AKAIN1: variants seen among roughly 807,000 people sequenced by gnomAD.
The protein encoded by AKAIN1 is A-kinase anchor inhibitor 1.
AKAIN1 carries 3 observed loss-of-function variants against 3.7 expected under a neutral mutation model. The ratio of observed to expected loss-of-function variants is 0.82; its 90% CI spans 0.37 to 2.12. The LOEUF is 2.12. Among genes scored for constraint, AKAIN1 ranks in the 30% most tolerant of loss-of-function variants. The pLI is 0.06. For missense variants in AKAIN1, 82 were observed against 82.7 expected (o/e 0.99, Z 0.03); for synonymous variants, 31 against 30.8 (o/e 1.01, Z -0.02).
chr18:5,157,236 G>A (rs1717674830), intron 1 of AKAIN1, among the ~76,000 whole-genome samples: 1 of 152,162 alleles, frequency 6.6e-6, no homozygotes, highest in Admixed American at 6.5e-5. Flanking sequence ...ACACCTTCCT[G>A]CTGCAGCTTC....
intron 1 of AKAIN1, among the ~76,000 whole-genome samples, chr18:5,181,066 T>C (rs1201305511): frequency 1.3e-5 from 2 of 151,576 alleles, no homozygotes. Context: ...GATGGAAGGA[T>C]CCCTTGAGCC....
intron 1 of AKAIN1, among the ~76,000 whole-genome samples, chr18:5,188,704 T>C (rs1372802768): frequency 6.6e-6 from 1 of 152,056 alleles, no homozygotes; most frequent in Admixed American, 6.6e-5. Context: ...AATTCTACCA[T>C]AAATGTCACA....
intron 1 of AKAIN1, among the ~76,000 whole-genome samples, chr18:5,179,352 T>G (rs553861790): frequency 1.3e-4 from 20 of 152,166 alleles, no homozygotes; most frequent in African/African-American, 4.8e-4. Flanking sequence ...CTAGTTCCAG[T>G]CATGTTGCCA....
At chr18:5,179,588 G>A (rs1241461371) in intron 1 of AKAIN1, among the ~76,000 whole-genome samples, 1 of 152,106 alleles carries the variant, frequency 6.6e-6, no homozygotes. Context: ...CCTTTAGGTA[G>A]ATACCCAGTA....
intron 1 of AKAIN1, among the ~76,000 whole-genome samples, chr18:5,176,622 T>A (rs1404579909): frequency 6.6e-6 from 1 of 152,184 alleles, no homozygotes; most frequent in Non-Finnish European, 1.5e-5. Flanking sequence ...CAATGTTTGG[T>A]GTTTTTCTGT....
chr18:5,158,339 A>C (rs1303719701), intron 1 of AKAIN1, among the ~76,000 whole-genome samples: 1 of 152,074 alleles, frequency 6.6e-6, no homozygotes. Flanking sequence ...CTGAGGAGAC[A>C]CTCCTTTGGT....
chr18:5,150,578 A>G (rs949253144), intron 1 of AKAIN1, among the ~76,000 whole-genome samples: 12 of 152,200 alleles, frequency 7.9e-5, no homozygotes, highest in Admixed American at 4.6e-4. Flanking sequence ...TCCACCTCGG[A>G]TTTTTACTTG....
rs1395063 is a variant in AKAIN1, at chr18:5,145,610, G to T, written c.162C>A (p.His54Gln). 259,216 of 1,551,200 alleles carry T rather than the reference G, an allele frequency of 0.17. 24,068 individuals carry two copies. The highest frequency in any genetic ancestry group is 0.36 in the African/African-American group (26,350 of 73,034). The change falls in exon 2 of 2, where the codon CAC (histidine) becomes CAA (glutamine). Residue 54 changes from histidine (H) to glutamine (Q), a missense_variant. Transcript: ENST00000434239. ...REERISDNRD[H>Q]IQLGVGELTK... Reference sequence around the variant, plus strand: ...TTAACTCCCCAACGCCCAGTTGGATGTGGTCCCGGTTGTCACTGATTCTCT... The same window carrying T: ...TTAACTCCCCAACGCCCAGTTGGATTTGGTCCCGGTTGTCACTGATTCTCT...
chr18:5,149,445 C>T (rs1009400846), intron 1 of AKAIN1, among the ~76,000 whole-genome samples: 1 of 152,116 alleles, frequency 6.6e-6, no homozygotes, highest in Admixed American at 6.5e-5. Flanking sequence ...TGTCCAGGAA[C>T]CGTTCAGCTG....
intron 1 of AKAIN1, among the ~76,000 whole-genome samples, chr18:5,165,396 C>T (rs2071162299): frequency 6.6e-6 from 1 of 151,914 alleles, no homozygotes; most frequent in African/African-American, 2.4e-5. Flanking sequence ...GAAAGAACAG[C>T]AATGGCAACA....
At chr18:5,146,539 A>T (rs1221834023) in intron 1 of AKAIN1, among the ~76,000 whole-genome samples, 1 of 152,204 alleles carries the variant, frequency 6.6e-6, no homozygotes, top group Non-Finnish European at 1.5e-5. Context: ...TGATGACTGA[A>T]TCCATATCAA....
In AKAIN1 at chr18:5,183,650, C is replaced by G. The variant is rs2071271360; in HGVS notation, c.16+13388G>C. 2.0e-5 allele frequency among the ~76,000 whole-genome samples: 3 copies of G among 151,878 alleles called. No homozygotes were observed. In the South Asian group the frequency reaches 6.2e-4, roughly 32 times the overall value. ...AAAGTAAAAATGAAGGAAAATAATG[C>G]AAAGTTGATTCCTGTTATTCACAGT... On this transcript the variant is annotated intron_variant, in intron 1 of 1. Transcript: ENST00000434239.
At chr18:5,185,981 T>C (rs577695078) in intron 1 of AKAIN1, among the ~76,000 whole-genome samples, 1 of 152,262 alleles carries the variant, frequency 6.6e-6, no homozygotes, top group African/African-American at 2.4e-5. Context: ...ATATACACCA[T>C]GGAATACTAC....
At chr18:5,179,811 C>A (rs1172866058) in intron 1 of AKAIN1, among the ~76,000 whole-genome samples, 1 of 152,128 alleles carries the variant, frequency 6.6e-6, no homozygotes, top group Non-Finnish European at 1.5e-5. Context: ...TATGCTCCTT[C>A]CTCGAGGACA....
chr18:5,156,791 C>T (rs1006441678), intron 1 of AKAIN1, among the ~76,000 whole-genome samples: 3 of 152,172 alleles, frequency 2.0e-5, no homozygotes, highest in African/African-American at 7.2e-5. Flanking sequence ...GTCTTTCTTG[C>T]TCTCACACCA....
At chr18:5,158,984 C>A (rs1045573565) in intron 1 of AKAIN1, among the ~76,000 whole-genome samples, 5 of 152,056 alleles carry the variant, frequency 3.3e-5, no homozygotes, top group Admixed American at 1.3e-4. Context: ...TAAAGAAATA[C>A]AAAAATCTTG....
intron 1 of AKAIN1, among the ~76,000 whole-genome samples, chr18:5,190,848 G>A (rs1775700550): frequency 6.6e-6 from 1 of 152,060 alleles, no homozygotes; most frequent in African/African-American, 2.4e-5. Flanking sequence ...CCATTTATAA[G>A]GGTCCCACCC....
intron 1 of AKAIN1, among the ~76,000 whole-genome samples, chr18:5,161,942 C>T (rs184356664): frequency 9.5e-4 from 144 of 152,052 alleles, no homozygotes; most frequent in Non-Finnish European, 1.5e-3. Context: ...CACATGCAAA[C>T]GAAGGGAACA....
intron 1 of AKAIN1, among the ~76,000 whole-genome samples, chr18:5,192,731 T>C (rs1218067674): frequency 6.6e-6 from 1 of 151,616 alleles, no homozygotes; most frequent in Non-Finnish European, 1.5e-5. Context: ...TATACAACAG[T>C]CTGAAAAGGC....
Sources: gnomAD v4.1 joint callset for allele counts (sites outside exome capture counted in the v4.1 genomes callset) on GRCh38, gnomAD v4.1.1 for gene constraint, MANE v1.5 for transcripts, NCBI Gene and HGNC (gene_info 2026-07-23, HGNC 2026-07-21) for gene names.